The following ZNF510 variants were observed in gnomAD, a reference collection of about 807,000 sequenced individuals.
The protein encoded by ZNF510 is zinc finger protein 510.
A neutral mutation model predicts 18.1 loss-of-function variants in ZNF510; 15 were observed. The ratio of observed to expected loss-of-function variants is 0.83; its 90% CI spans 0.55 to 1.28. The LOEUF (loss-of-function observed/expected upper bound fraction) is 1.28, where lower values mean the gene tolerates loss of function less well. Among genes scored for constraint, ZNF510 ranks in the 50% most tolerant of loss-of-function variants. ZNF510 has a pLI of 0.00. For synonymous variants in ZNF510, 261 were observed against 266.4 expected (o/e 0.98, Z 0.20); for missense variants, 724 against 791.8 (o/e 0.91, Z 1.03).
chr9:96,763,109 G>C lies in ZNF510; in HGVS notation c.352+9C>G. 2 of 1,612,752 alleles carry C rather than the reference G, an allele frequency of 1.2e-6. No individual in the cohort carries two copies. Among genetic ancestry groups the C allele is most frequent in the Non-Finnish European group, 1.7e-6 (2 of 1,178,806 alleles). ...GCAGAATTATGTCTACTACTGCTCA[G>C]TAACTCACTTGGGTGACTCTGGTTT... On this transcript the variant is annotated intron_variant, in intron 5 of 5. Coordinates refer to ENST00000223428, the MANE Select transcript of ZNF510 (RefSeq NM_014930.3).
chr9:96,764,230 G>T (rs79661105), intron 3 of ZNF510, among the ~76,000 whole-genome samples: 9,034 of 152,048 alleles, frequency 0.059, 884 homozygotes, highest in African/African-American at 0.2. Context: ...CCTACAATTT[G>T]TATTCCATCC....
intron 3 of ZNF510, among the ~76,000 whole-genome samples, chr9:96,768,283 G>A (rs552494189): frequency 6.6e-6 from 1 of 151,756 alleles, no homozygotes; most frequent in East Asian, 1.9e-4. Flanking sequence ...AAAACAAGAA[G>A]GTTTCTTCCA....
At position 96,755,288 on chromosome 9, in the gene ZNF510, C is replaced by G. The variant is rs1849168613; in HGVS notation, c.*3490G>C. On this transcript the variant is annotated 3_prime_UTR_variant, in exon 6 of 6. Transcript: ENST00000223428. ...AGAGATGATTCTAAATATTTTCTTTCAGAAAGTGTCTTGAGTAAAAAAAGT... is the reference window on the plus strand; with the variant it reads ...AGAGATGATTCTAAATATTTTCTTTGAGAAAGTGTCTTGAGTAAAAAAAGT... 6.7e-6 allele frequency among the ~76,000 whole-genome samples: 1 copy of G among 149,950 alleles called. No individual in the cohort carries two copies. The highest frequency in any genetic ancestry group is 2.1e-4 in the South Asian group (1 of 4,832).
chr9:96,758,811 G>A lies in ZNF510; in HGVS notation c.2019C>T (p.Tyr673=), dbSNP rs756263352. The part of the protein sequence containing the change: ...KLCKKSTLSL[Y]QKIQGEGNPY Reference sequence around the variant, plus strand: ...GATTCCCCTCTCCCTGAATTTTCTGGTATAAGCTTAGGGTAGACTTCTTAC... The same window carrying A: ...GATTCCCCTCTCCCTGAATTTTCTGATATAAGCTTAGGGTAGACTTCTTAC... Residue 673 remains tyrosine, a synonymous_variant, in exon 6 of 6, where the codon TAC becomes TAT. Transcript: ENST00000223428. 11 of 1,598,576 alleles carry A rather than the reference G, an allele frequency of 6.9e-6. No individual in the cohort carries two copies. Among genetic ancestry groups the A allele is most frequent in the Non-Finnish European group, 8.5e-6 (10 of 1,171,626 alleles).
At position 96,755,552 on chromosome 9, in the gene ZNF510, A is replaced by G. The variant is rs1343093725; in HGVS notation, c.*3226T>C. Among the ~76,000 whole-genome samples, 2 of 152,080 alleles carry G rather than the reference A, an allele frequency of 1.3e-5. No individual in the cohort carries two copies. The highest frequency in any genetic ancestry group is 1.5e-5 in the Non-Finnish European group (1 of 68,016). ...CAATGTAACTGGCCTATGATATTCT[A>G]TTTCTTAAGTCCTAAGATGTATTCT... On this transcript the variant is annotated 3_prime_UTR_variant, in exon 6 of 6. Transcript: ENST00000223428.
chr9:96,775,119 G>C (rs1410676990), intron 2 of ZNF510, among the ~76,000 whole-genome samples: 1 of 151,878 alleles, frequency 6.6e-6, no homozygotes, highest in Non-Finnish European at 1.5e-5. Flanking sequence ...GAGTGCAGCG[G>C]TGTGATCTCA....
In ZNF510 at chr9:96,759,466, G is replaced by A; in HGVS notation, c.1364C>T (p.Thr455Ile). 6.2e-7 allele frequency: 1 copy of A among 1,614,062 alleles called. No homozygotes were observed. The highest frequency in any genetic ancestry group is 8.5e-7 in the Non-Finnish European group (1 of 1,179,976). Residue 455 changes from threonine to isoleucine, a missense_variant, in exon 6 of 6, where the codon ACA becomes ATA. By Grantham distance (89) the Thr-to-Ile change is moderately conservative (BLOSUM62 -1). Coordinates refer to ENST00000223428, the MANE Select transcript of ZNF510 (RefSeq NM_014930.3). The part of the protein sequence containing the change: ...SHLSTHQRIH[T>I]AEKPYKCNEC... ...ATTACATTTATAGGGTTTTTCTGCT[G>A]TATGAATTCTCTGATGAGTACTGAG...
intron 3 of ZNF510, among the ~76,000 whole-genome samples, chr9:96,770,611 AAAT>A (rs199714283): frequency 0.049 from 7,395 of 150,042 alleles, 577 homozygotes; most frequent in African/African-American, 0.17. Flanking sequence ...CTCAAAAAAA[AAAT>A]ATATATATAT....
intron 2 of ZNF510, among the ~76,000 whole-genome samples, chr9:96,775,224 T>C (rs1405141169): frequency 3.3e-5 from 5 of 152,070 alleles, no homozygotes; most frequent in Admixed American, 3.3e-4. Flanking sequence ...TACACCCAGC[T>C]AATTTTTGTA....
intron 3 of ZNF510, among the ~76,000 whole-genome samples, chr9:96,773,724 C>T (rs542928587): frequency 4.3e-4 from 66 of 152,202 alleles, no homozygotes; most frequent in African/African-American, 1.2e-3. Flanking sequence ...TACAGGCACC[C>T]GCCACCACGC....
chr9:96,770,198 T>C (rs1849556347), intron 3 of ZNF510, among the ~76,000 whole-genome samples: 2 of 152,216 alleles, frequency 1.3e-5, no homozygotes, highest in South Asian at 4.1e-4. Context: ...CAATGTGGTA[T>C]ATCCACACAA....
At chr9:96,765,167 A>G (rs1241640677) in intron 3 of ZNF510, among the ~76,000 whole-genome samples, 6 of 152,204 alleles carry the variant, frequency 3.9e-5, no homozygotes, top group Admixed American at 3.9e-4. Flanking sequence ...TGTAATGACA[A>G]AACAGTCCTT....
At chr9:96,776,485 C>T (rs1214601228) in intron 1 of ZNF510, among the ~76,000 whole-genome samples, 2 of 152,040 alleles carry the variant, frequency 1.3e-5, no homozygotes, top group Admixed American at 6.6e-5. Flanking sequence ...CAATCAGAAA[C>T]GTCTCCAGGC....
Position 96,757,330 on chromosome 9 carries a change from G to C in ZNF510, c.*1448C>G, listed in dbSNP as rs1222872404. 1 of 152,178 alleles carries C rather than the reference G, an allele frequency of 6.6e-6. No individual in the cohort carries two copies. Among genetic ancestry groups the C allele is most frequent in the Non-Finnish European group, 1.5e-5 (1 of 68,050 alleles). The allele number at this position is 152,178 out of a possible 1,614,324, so 9.4% of individuals were successfully genotyped here. A position where few individuals can be genotyped will look rare whatever the true frequency, so the allele number is the denominator to read the frequency against. Reference sequence around the variant, plus strand: ...CACACTTACGTTGAACTGCACAGTGGCTGCTCACCATTCAGCCAAAAGACT... The same window carrying C: ...CACACTTACGTTGAACTGCACAGTGCCTGCTCACCATTCAGCCAAAAGACT... On this transcript the variant is annotated 3_prime_UTR_variant, in exon 6 of 6. Coordinates refer to ENST00000223428, the MANE Select transcript of ZNF510 (RefSeq NM_014930.3).
intron 3 of ZNF510, among the ~76,000 whole-genome samples, chr9:96,774,481 CTT>C (rs1209253553): frequency 2.0e-5 from 3 of 152,168 alleles, no homozygotes; most frequent in Non-Finnish European, 4.4e-5. Flanking sequence ...ACTTTGATAA[CTT>C]TAGATTCCAT....
At chr9:96,762,417 G>A (rs1437098034) in intron 5 of ZNF510, among the ~76,000 whole-genome samples, 3 of 151,120 alleles carry the variant, frequency 2.0e-5, no homozygotes, top group African/African-American at 4.9e-5. Context: ...GCTGAGGCAG[G>A]AGAATGGCGT....
chr9:96,760,146 A>G lies in ZNF510; in HGVS notation c.684T>C (p.His228=). 6.2e-7 allele frequency: 1 copy of G among 1,611,332 alleles called. No homozygotes were observed. Among genetic ancestry groups the G allele is most frequent in the South Asian group, 1.1e-5 (1 of 90,312 alleles). The part of the protein sequence containing the change: ...KTQTGEKFYE[H]NKNMKALNYN... ...AATTGAGAGCTTTCATGTTTTTATT[A>G]TGTTCATAAAATTTCTCTCCAGTCT... The change falls in exon 6 of 6, where the codon CAT becomes CAC. Residue 228 remains histidine, a synonymous_variant. Transcript: ENST00000223428.
Position 96,762,161 on chromosome 9 carries a change from C to T in ZNF510, c.352+957G>A, listed in dbSNP as rs138014224. ...ACAAATCACCACTAAAGAACTTACTCGTGTAACCAAATACCACCTGTTCCC... is the reference window on the plus strand; with the variant it reads ...ACAAATCACCACTAAAGAACTTACTTGTGTAACCAAATACCACCTGTTCCC... On this transcript the variant is annotated intron_variant, in intron 5 of 5. Transcript: ENST00000223428. 2.5e-3 allele frequency among the ~76,000 whole-genome samples: 366 copies of T among 146,796 alleles called. 2 individuals are homozygous for T. Among genetic ancestry groups the T allele is most frequent in the African/African-American group, 8.2e-3 (323 of 39,510 alleles).
At chr9:96,775,893 C>A (rs1849687821) in intron 2 of ZNF510, 107 bp downstream of exon 2, 1 of 1,431,546 alleles carries the variant, frequency 7.0e-7, no homozygotes, top group Non-Finnish European at 9.4e-7. Flanking sequence ...ATTTCCTCAG[C>A]CCTGGCTGGT....
Sources: allele counts gnomAD v4.1 joint callset (sites outside exome capture counted in the v4.1 genomes callset), GRCh38; gene constraint gnomAD v4.1.1; transcripts MANE v1.5; gene names NCBI Gene and HGNC (gene_info 2026-07-23, HGNC 2026-07-21).